Variants in CDK13 observed in about 807,000 individuals in gnomAD.
CDK13 encodes cyclin-dependent kinase 13.
CDK13 carries 40 observed loss-of-function variants against 137.6 expected under a neutral mutation model. The ratio of observed to expected loss-of-function variants is 0.29; its 90% CI spans 0.23 to 0.38. CDK13 has a LOEUF of 0.38. Ranked by LOEUF, CDK13 falls within the 10% of genes least tolerant of loss-of-function variation. The pLI, the probability that CDK13 is intolerant of heterozygous loss-of-function variation, is 1.00. For missense variants in CDK13, 1,704 were observed against 1,951.8 expected (o/e 0.87, Z 2.39); for synonymous variants, 869 against 760.1 (o/e 1.14, Z -2.36).
chr7:40,054,476 G>C (rs1785966601), intron 7 of CDK13, among the ~76,000 whole-genome samples: 1 of 151,500 alleles, frequency 6.6e-6, no homozygotes, highest in Non-Finnish European at 1.5e-5. Flanking sequence ...TGTCTCCCAA[G>C]CTGGAGTGCA....
chr7:39,997,806 T>C (rs1300333447), intron 3 of CDK13, 142 bp downstream of exon 3: 4 of 618,930 alleles, frequency 6.5e-6, no homozygotes, highest in East Asian at 3.2e-5. Context: ...TATTAGAGTT[T>C]TGAAAAAAAT....
chr7:40,009,564 T>C (rs1395301089), intron 5 of CDK13, among the ~76,000 whole-genome samples: 2 of 152,234 alleles, frequency 1.3e-5, no homozygotes, highest in Admixed American at 1.3e-4. Context: ...CAGATTTCCT[T>C]CCATTCTGAA....
At chr7:39,981,792 CTTTTTTT>C (rs545024171) in intron 1 of CDK13, among the ~76,000 whole-genome samples, 2 of 136,306 alleles carry the variant, frequency 1.5e-5, no homozygotes, top group Non-Finnish European at 3.2e-5. Context: ...TCCAAAATAT[CTTTTTTT>C]TTTTTTTTTT....
At position 40,094,481 on chromosome 7, in the gene CDK13, C is replaced by T. The variant is rs770396375; in HGVS notation, c.4040C>T (p.Ala1347Val). ...TTTGGATCCTCTTCTTTCTCTTCTG[C>T]TCCTTATGTTAGCAATGATGGTCTA... is the stretch of plus-strand genomic sequence containing the variant. ...DNFGSSSFSS[A>V]PYVSNDGLGS... The change falls in exon 14 of 14, where the codon GCT (alanine) becomes GTT (valine). Residue 1347 changes from alanine to valine, a missense_variant. Ala to Val is a moderately conservative substitution (Grantham distance 64). Transcript: ENST00000181839. 3.1e-6 allele frequency: 5 copies of T among 1,613,516 alleles called. No individual in the cohort carries two copies. The African/African-American group carries it at 4.0e-5, about 13-fold the overall frequency.
intron 9 of CDK13, chr7:40,069,242 C>A: frequency 2.3e-6 from 1 of 436,638 alleles, no homozygotes. Flanking sequence ...CTCAAAAAAA[C>A]AGAAATAAAA....
intron 5 of CDK13, among the ~76,000 whole-genome samples, chr7:40,042,316 A>G (rs1195677475): frequency 1.3e-5 from 2 of 151,524 alleles, no homozygotes; most frequent in Non-Finnish European, 2.9e-5. Context: ...CCTGAGCTGA[A>G]GTGATCCGCC....
intron 10 of CDK13, 23 bp downstream of exon 10, chr7:40,078,144 TC>T (rs771346165): frequency 9.1e-7 from 1 of 1,100,554 alleles, no homozygotes; most frequent in Admixed American, 2.2e-5. Flanking sequence ...TGTGTAAACA[TC>T]CTTATTGCAT....
At chr7:40,052,479 G>GA (rs1333616783) in intron 7 of CDK13, among the ~76,000 whole-genome samples, 1 of 152,044 alleles carries the variant, frequency 6.6e-6, no homozygotes, top group Non-Finnish European at 1.5e-5. Flanking sequence ...GCCCAGCCCT[G>GA]AAAAACGTAT....
intron 5 of CDK13, among the ~76,000 whole-genome samples, chr7:40,023,938 G>T (rs1463755096): frequency 4.6e-5 from 7 of 152,144 alleles, no homozygotes; most frequent in Non-Finnish European, 7.4e-5. Context: ...CTTCCATTCT[G>T]CAAAGCAAAG....
intron 5 of CDK13, among the ~76,000 whole-genome samples, chr7:40,018,807 G>A (rs1785054839): frequency 6.6e-6 from 1 of 151,960 alleles, no homozygotes; most frequent in Non-Finnish European, 1.5e-5. Flanking sequence ...GGTGACAGGG[G>A]CACTAAAATT....
intron 1 of CDK13, among the ~76,000 whole-genome samples, chr7:39,961,188 G>A (rs10235989): frequency 0.27 from 40,552 of 151,742 alleles, 6,545 homozygotes; most frequent in Middle Eastern, 0.45. Flanking sequence ...GCGAAACCCC[G>A]TCTCTACTAA....
intron 1 of CDK13, among the ~76,000 whole-genome samples, chr7:39,955,572 GCTT>G (rs1200545610): frequency 6.6e-6 from 1 of 151,920 alleles, no homozygotes; most frequent in Non-Finnish European, 1.5e-5. Flanking sequence ...TGAAAAATCA[GCTT>G]CTGCTTGGGT....
intron 9 of CDK13, chr7:40,070,403 T>TC (rs1317862069): frequency 4.3e-5 from 2 of 46,662 alleles, no homozygotes; most frequent in Admixed American, 2.8e-4. Context: ...CAAGACTCCA[T>TC]CCCAAAAAAA....
rs572572201 is a variant in CDK13, at chr7:39,951,066, C to G, written c.425C>G (p.Pro142Arg). ...GGASSGGGVTPLVEYEDVSSQ... is the reference protein window; with the variant it reads ...GGASSGGGVTRLVEYEDVSSQ... ...GCTAGTAGCGGCGGGGGTGTGACCCCGCTGGTGGAATACGAGGATGTGAGC... is the reference window on the plus strand; with the variant it reads ...GCTAGTAGCGGCGGGGGTGTGACCCGGCTGGTGGAATACGAGGATGTGAGC... The change falls in exon 1 of 14, where the codon CCG becomes CGG. Residue 142 changes from proline to arginine, a missense_variant. By Grantham distance (103) the Pro-to-Arg change is moderately radical. This residue lies in a region of CDK13 where 1,051 missense variants were observed against 931.0 expected (regional missense o/e 1.13). Transcript: ENST00000181839. The G allele has an allele frequency of 7.1e-6, 9 of 1,274,072 alleles. No individual in the cohort carries two copies. The highest frequency in any genetic ancestry group is 6.9e-6 in the Non-Finnish European group (7 of 1,011,940). 78.9% of individuals were successfully genotyped at this position (1,274,072 alleles called of 1,614,324 possible). A position where few individuals can be genotyped will look rare whatever the true frequency, so the allele number is the denominator to read the frequency against.
At chr7:39,959,217 A>C (rs1357445675) in intron 1 of CDK13, among the ~76,000 whole-genome samples, 1 of 150,786 alleles carries the variant, frequency 6.6e-6, no homozygotes, top group African/African-American at 2.4e-5. Flanking sequence ...CCCAGGCTGG[A>C]ATGGTGCGAT....
At chr7:40,008,272 A>G (rs1234101547) in intron 5 of CDK13, among the ~76,000 whole-genome samples, 1 of 152,212 alleles carries the variant, frequency 6.6e-6, no homozygotes, top group Non-Finnish European at 1.5e-5. Context: ...CTTTAACTGC[A>G]CTATTCATGT....
At chr7:40,070,649 C>G (rs1442764071) in intron 9 of CDK13, 1 of 147,338 alleles carries the variant, frequency 6.8e-6, no homozygotes, top group East Asian at 2.1e-4. Flanking sequence ...AAGGTGGAGG[C>G]TGCAGTGAGC....
chr7:40,082,558 C>G (rs1786689924), intron 11 of CDK13, among the ~76,000 whole-genome samples: 1 of 147,724 alleles, frequency 6.8e-6, no homozygotes, highest in Non-Finnish European at 1.5e-5. Context: ...AATCTCAGCA[C>G]TGCAGGAGGA....
At chr7:39,974,401 A>G (rs1784061300) in intron 1 of CDK13, among the ~76,000 whole-genome samples, 2 of 152,096 alleles carry the variant, frequency 1.3e-5, no homozygotes, top group South Asian at 4.1e-4. Context: ...AAGTCATCTA[A>G]TACGTGAACA....
Sources: allele counts gnomAD v4.1 joint callset (sites outside exome capture counted in the v4.1 genomes callset), GRCh38; gene constraint gnomAD v4.1.1; regional missense constraint gnomAD v4.1.1; transcripts MANE v1.5; gene names NCBI Gene and HGNC (gene_info 2026-07-23, HGNC 2026-07-21).